The following CCT6B variants were observed in gnomAD, a reference collection of about 807,000 sequenced individuals.
CCT6B encodes probable T-complex protein 1 subunit zeta-2.
Under a neutral mutation model 61.5 loss-of-function variants are expected in CCT6B, and 49 were observed. The observed-to-expected ratio is 0.80, with a 90% CI of 0.63 to 1.01. CCT6B has a LOEUF of 1.01. CCT6B is among the 50% of genes least tolerant of loss of function. The pLI is 0.00. For missense variants in CCT6B, 666 were observed against 634.7 expected (o/e 1.05, Z -0.53); for synonymous variants, 228 against 214.5 (o/e 1.06, Z -0.55).
chr17:34,928,199 G>A, intron 13 of CCT6B, 82 bp from the exon 14 acceptor site: 1 of 788,690 alleles, frequency 1.3e-6, no homozygotes, highest in East Asian at 2.7e-5. Context: ...CCTATGTAGG[G>A]TACTTTGTTC....
Position 34,961,319 on chromosome 17 carries a change from G to A in CCT6B, c.75C>T (p.Cys25=). The A allele has an allele frequency of 6.2e-7, 1 of 1,612,862 alleles. No homozygotes were observed. ...RARAALAVNI[C]AARGLQDVLR... ...GCACATCCTGCAGCCCTCGGGCGGC[G>A]CATATATTGACAGCCAAAGCTGCCC... Residue 25 remains cysteine (C), a synonymous_variant, in exon 1 of 14, where the codon TGC becomes TGT. Transcript: ENST00000314144.
chr17:34,958,633 G>C lies in CCT6B; in HGVS notation c.263C>G (p.Thr88Arg), dbSNP rs1483400674. 1 of 1,605,972 alleles carries C rather than the reference G, an allele frequency of 6.2e-7. No homozygotes were observed. Among genetic ancestry groups the C allele is most frequent in the Admixed American group, 1.7e-5 (1 of 59,164 alleles). Residue 88 changes from threonine to arginine, a missense_variant, in exon 3 of 14, where the codon ACA (threonine) becomes AGA (arginine). Thr to Arg is a moderately conservative substitution (Grantham distance 71). Coordinates refer to ENST00000314144, the MANE Select transcript of CCT6B (RefSeq NM_006584.4). ...AKVATAQDDV[T>R]GDGTTSNVLI... ...AACATTTGAAGTAGTACCATCTCCT[G>C]TGACGTCATCCTGAGCTGTTGCTAC... is the stretch of plus-strand genomic sequence containing the variant.
intron 3 of CCT6B, among the ~76,000 whole-genome samples, chr17:34,956,230 A>G (rs1223933178): frequency 1.3e-5 from 2 of 152,046 alleles, no homozygotes; most frequent in Non-Finnish European, 2.9e-5. Flanking sequence ...AGCAACACCA[A>G]AATGCTTGTA....
chr17:34,931,114 A>AATATATCAAATATATATATCAAAT (rs2090031148), intron 11 of CCT6B, 63 bp from the exon 12 acceptor site: 1 of 488,142 alleles, frequency 2.0e-6, no homozygotes, highest in African/African-American at 2.1e-5. Flanking sequence ...ACATATATCA[A>AATATATCAAATATATATATCAAAT]ATATAAAAAT....
At chr17:34,940,034 G>A (rs943520844) in intron 8 of CCT6B, among the ~76,000 whole-genome samples, 12 of 151,860 alleles carry the variant, frequency 7.9e-5, no homozygotes, top group East Asian at 7.7e-4. Flanking sequence ...GTGCATTCTC[G>A]GGTGGGTTTG....
rs377270033 is a variant in CCT6B, at chr17:34,958,665, T to C, written c.231A>G (p.Ile77Met). The C allele has an allele frequency of 1.9e-5, 31 of 1,602,030 alleles. No homozygotes were observed. Among genetic ancestry groups the C allele is most frequent in the Non-Finnish European group, 2.6e-5 (31 of 1,174,874 alleles). ...MQIQHPTASLIAKVATAQDDV... is the reference protein window; with the variant it reads ...MQIQHPTASLMAKVATAQDDV... ...CATCCTGAGCTGTTGCTACTTTTGCTATCAAGGAAGCTGTTGGATGTTGAA... is the reference window on the plus strand; with the variant it reads ...CATCCTGAGCTGTTGCTACTTTTGCCATCAAGGAAGCTGTTGGATGTTGAA... The change falls in exon 3 of 14, where the codon ATA becomes ATG. Residue 77 changes from isoleucine to methionine, a missense_variant. Transcript: ENST00000314144.
At chr17:34,956,070 T>C (rs551036532) in intron 3 of CCT6B, among the ~76,000 whole-genome samples, 1 of 152,334 alleles carries the variant, frequency 6.6e-6, no homozygotes, top group South Asian at 2.1e-4. Context: ...AACCTGACCA[T>C]ATCAGTCATT....
chr17:34,945,937 G>A (rs2090218882), intron 5 of CCT6B, among the ~76,000 whole-genome samples: 1 of 152,190 alleles, frequency 6.6e-6, no homozygotes, highest in South Asian at 2.1e-4. Context: ...TGACAATCCA[G>A]GCAAATCTGA....
In CCT6B at chr17:34,961,290, C is replaced by T. The variant is rs2090413687; in HGVS notation, c.104G>A (p.Arg35Gln). The change falls in exon 1 of 14, where the codon CGG (arginine) becomes CAG (glutamine). Residue 35 changes from arginine (R) to glutamine (Q), a missense_variant. Coordinates refer to ENST00000314144, the MANE Select transcript of CCT6B (RefSeq NM_006584.4). ...CAARGLQDVL[R>Q]TNLGPKGTMK... Reference sequence around the variant, plus strand: ...GGTGCCTTTAGGACCCAAGTTGGTCCGCAGCACATCCTGCAGCCCTCGGGC... The same window carrying T: ...GGTGCCTTTAGGACCCAAGTTGGTCTGCAGCACATCCTGCAGCCCTCGGGC... 2 of 1,612,526 alleles carry T rather than the reference C, an allele frequency of 1.2e-6. No homozygotes were observed. The highest frequency in any genetic ancestry group is 8.5e-7 in the Non-Finnish European group (1 of 1,179,702).
At chr17:34,943,213 T>C (rs2142156284) in intron 5 of CCT6B, 1 of 191,888 alleles carries the variant, frequency 5.2e-6, no homozygotes, top group South Asian at 1.6e-4. Context: ...AACATATAAT[T>C]AGTAAAATTA....
intron 4 of CCT6B, among the ~76,000 whole-genome samples, chr17:34,954,056 TA>T (rs573295992): frequency 1.3e-5 from 2 of 152,174 alleles, no homozygotes; most frequent in Non-Finnish European, 2.9e-5. Flanking sequence ...TTGGTAACCT[TA>T]TCTACAAGGT....
intron 3 of CCT6B, among the ~76,000 whole-genome samples, chr17:34,955,746 A>G (rs879866575): frequency 6.6e-6 from 1 of 152,198 alleles, no homozygotes; most frequent in Non-Finnish European, 1.5e-5. Context: ...TGTGCTGGAC[A>G]TGACTAAGAG....
intron 12 of CCT6B, among the ~76,000 whole-genome samples, chr17:34,930,551 C>G (rs567020615): frequency 6.6e-6 from 1 of 152,140 alleles, no homozygotes; most frequent in African/African-American, 2.4e-5. Flanking sequence ...CCTGACCAAC[C>G]CTTTAAGCTG....
intron 3 of CCT6B, among the ~76,000 whole-genome samples, chr17:34,955,512 G>A (rs1445712851): frequency 6.6e-6 from 1 of 152,166 alleles, no homozygotes; most frequent in Non-Finnish European, 1.5e-5. Context: ...TGAGAGAAAT[G>A]AAAATGCTTG....
At chr17:34,946,544 C>T (rs2090225916) in intron 5 of CCT6B, among the ~76,000 whole-genome samples, 1 of 152,062 alleles carries the variant, frequency 6.6e-6, no homozygotes, top group South Asian at 2.1e-4. Context: ...CATATACACA[C>T]AGATATAAAA....
chr17:34,959,778 GT>G (rs1276751840), intron 1 of CCT6B, 128 bp from the exon 2 acceptor site: 1 of 610,658 alleles, frequency 1.6e-6, no homozygotes, highest in African/African-American at 1.8e-5. Flanking sequence ...ATATGCCATG[GT>G]AATTACCACC....
At position 34,929,014 on chromosome 17, in the gene CCT6B, C is replaced by T. The variant is rs2142129484; in HGVS notation, c.1471G>A (p.Asp491Asn). The T allele has an allele frequency of 6.2e-7, 1 of 1,608,694 alleles. No homozygotes were observed. Among genetic ancestry groups the T allele is most frequent in the Non-Finnish European group, 8.5e-7 (1 of 1,176,126 alleles). ...LNTGEPMVAADAGVWDNYCVK... is the reference protein window; with the variant it reads ...LNTGEPMVAANAGVWDNYCVK... The stretch of plus-strand genomic sequence containing the variant: ...CAATAATTATCCCAAACTCCTGCAT[C>T]TGCTGCTACCATTGGCTCACCTGAA... The change falls in exon 13 of 14, where the codon GAT (aspartate) becomes AAT (asparagine). Residue 491 changes from aspartate to asparagine, a missense_variant. Asp to Asn is a conservative substitution (Grantham distance 23). Transcript: ENST00000314144.
At chr17:34,930,907 T>C in intron 12 of CCT6B, 42 bp downstream of exon 12, 1 of 1,010,438 alleles carries the variant, frequency 9.9e-7, no homozygotes, top group Non-Finnish European at 1.6e-6. Flanking sequence ...AACTAAAGAA[T>C]AACCTCTTTA....
Position 34,929,793 on chromosome 17 carries a change from C to G in CCT6B, c.1451-759G>C, listed in dbSNP as rs529062865. On this transcript the variant is annotated intron_variant, in intron 12 of 13. Coordinates refer to ENST00000314144, the MANE Select transcript of CCT6B (RefSeq NM_006584.4). ...CCTCCCAGAGTGCTGGGATTACAGG[C>G]GTGAGCCACTGCGCCTGGCCTGACT... Among the ~76,000 whole-genome samples the G allele has an allele frequency of 3.9e-5, 6 of 152,206 alleles. No homozygotes were observed. In the South Asian group the frequency reaches 1.2e-3, roughly 32 times the overall value.
Sources: allele counts gnomAD v4.1 joint callset (sites outside exome capture counted in the v4.1 genomes callset), GRCh38; gene constraint gnomAD v4.1.1; transcripts MANE v1.5; gene names NCBI Gene and HGNC (gene_info 2026-07-23, HGNC 2026-07-21).